Variants in CLSTN2 observed in about 807,000 individuals in gnomAD.
The protein encoded by CLSTN2 is calsyntenin-2.
A neutral mutation model predicts 101.2 loss-of-function variants in CLSTN2; 48 were observed. The ratio of observed to expected loss-of-function variants is 0.47; its 90% confidence interval spans 0.38 to 0.60. The LOEUF (loss-of-function observed/expected upper bound fraction) is 0.60, where lower values mean the gene tolerates loss of function less well. CLSTN2 is among the 20% of genes least tolerant of loss of function. The pLI, the probability that CLSTN2 is intolerant of heterozygous loss-of-function variation, is 0.00. For missense variants in CLSTN2, 1,160 were observed against 1,238.2 expected (o/e 0.94, Z 0.95); for synonymous variants, 481 against 463.6 (o/e 1.04, Z -0.48).
At chr3:140,556,464 T>C (rs760570627) in intron 10 of CLSTN2, 49 bp from the exon 11 acceptor site, 4 of 1,601,324 alleles carry the variant, frequency 2.5e-6, no homozygotes, top group African/African-American at 2.7e-5. Context: ...CATAAAACCA[T>C]GTACATCACT....
At chr3:140,093,913 T>C (rs1296641407) in intron 1 of CLSTN2, among the ~76,000 whole-genome samples, 2 of 152,014 alleles carry the variant, frequency 1.3e-5, no homozygotes, top group Non-Finnish European at 2.9e-5. Context: ...ACAAGTAGAG[T>C]CCAGATATGG....
At chr3:140,370,864 G>T (rs1398805281) in intron 2 of CLSTN2, among the ~76,000 whole-genome samples, 1 of 152,018 alleles carries the variant, frequency 6.6e-6, no homozygotes, top group Non-Finnish European at 1.5e-5. Flanking sequence ...GCACACACAT[G>T]CCCCACCCTA....
intron 8 of CLSTN2, among the ~76,000 whole-genome samples, chr3:140,516,166 T>C (rs181823843): frequency 2.0e-4 from 30 of 152,276 alleles, no homozygotes; most frequent in African/African-American, 7.2e-4. Context: ...CTGCTCTGTT[T>C]GTGACCATTT....
intron 2 of CLSTN2, among the ~76,000 whole-genome samples, chr3:140,324,040 G>C (rs2087309226): frequency 1.3e-5 from 2 of 152,210 alleles, no homozygotes; most frequent in African/African-American, 4.8e-5. Flanking sequence ...GGGGCAGCTA[G>C]ATAAAACCAT....
At chr3:140,485,373 G>A (rs948542569) in intron 8 of CLSTN2, among the ~76,000 whole-genome samples, 2 of 152,328 alleles carry the variant, frequency 1.3e-5, no homozygotes, top group African/African-American at 4.8e-5. Flanking sequence ...CCTACTAGGG[G>A]GTGCCTCCCA....
chr3:140,241,788 G>A (rs903199106), intron 2 of CLSTN2, among the ~76,000 whole-genome samples: 3 of 17,236 alleles, frequency 1.7e-4, no homozygotes, highest in African/African-American at 2.2e-4. Flanking sequence ...GGTCATATGC[G>A]AGATATATAT....
chr3:140,393,460 T>C (rs1432621005), intron 2 of CLSTN2, among the ~76,000 whole-genome samples: 1 of 152,206 alleles, frequency 6.6e-6, no homozygotes, highest in Admixed American at 6.5e-5. Context: ...TTTCTGAAAC[T>C]TAACTTTAAC....
intron 1 of CLSTN2, among the ~76,000 whole-genome samples, chr3:139,961,991 C>A (rs988135569): frequency 2.0e-5 from 3 of 151,930 alleles, no homozygotes; most frequent in Admixed American, 2.0e-4. Flanking sequence ...CTTTTAATGG[C>A]TACATAATAT....
intron 2 of CLSTN2, among the ~76,000 whole-genome samples, chr3:140,379,375 G>A (rs1373827247): frequency 2.0e-5 from 3 of 152,220 alleles, no homozygotes; most frequent in Non-Finnish European, 2.9e-5. Context: ...GGAGGTTGCC[G>A]AGAAGGGAAG....
At chr3:140,073,242 G>A (rs559935165) in intron 1 of CLSTN2, among the ~76,000 whole-genome samples, 7 of 152,262 alleles carry the variant, frequency 4.6e-5, no homozygotes, top group Middle Eastern at 3.4e-3. Context: ...AAATTGTAAA[G>A]GTATAGACGA....
chr3:140,222,548 C>T (rs953699386), intron 2 of CLSTN2, among the ~76,000 whole-genome samples: 3 of 152,088 alleles, frequency 2.0e-5, no homozygotes, highest in African/African-American at 7.2e-5. Flanking sequence ...GATTATTATG[C>T]ATTGCATGCT....
chr3:140,291,436 A>G (rs1251840831), intron 2 of CLSTN2, among the ~76,000 whole-genome samples: 1 of 151,662 alleles, frequency 6.6e-6, no homozygotes, highest in Non-Finnish European at 1.5e-5. Context: ...TCACTCAGCA[A>G]TGCTGACTGC....
chr3:139,985,934 T>C (rs1936014633), intron 1 of CLSTN2, among the ~76,000 whole-genome samples: 1 of 152,232 alleles, frequency 6.6e-6, no homozygotes, highest in Non-Finnish European at 1.5e-5. Flanking sequence ...TTTTGATGAA[T>C]TTAAATTGAA....
intron 2 of CLSTN2, among the ~76,000 whole-genome samples, chr3:140,284,015 G>A (rs756606949): frequency 6.6e-6 from 1 of 152,162 alleles, no homozygotes; most frequent in Non-Finnish European, 1.5e-5. Flanking sequence ...TTGGAAGCTG[G>A]TAAATTTCAC....
At position 140,576,158 on chromosome 3, in the gene CLSTN2, A is replaced by G. The variant is rs1985725698; in HGVS notation, c.*9905A>G. On this transcript the variant is annotated 3_prime_UTR_variant, in exon 17 of 17. Transcript: ENST00000458420. ...CTTAGCTGAGGAGAAGCCTCTGTGA[A>G]TCCACAGATTCCATGCAATATTCAG... The G allele has an allele frequency of 6.6e-6, 1 of 152,210 alleles. No individual in the cohort carries two copies. Among genetic ancestry groups the G allele is most frequent in the African/African-American group, 2.4e-5 (1 of 41,456 alleles). 9.4% of individuals were successfully genotyped at this position (152,210 alleles called of 1,614,324 possible). A position where few individuals can be genotyped will look rare whatever the true frequency, so the allele number is the denominator to read the frequency against.
intron 2 of CLSTN2, among the ~76,000 whole-genome samples, chr3:140,237,549 A>G (rs922668996): frequency 1.3e-5 from 2 of 152,066 alleles, no homozygotes; most frequent in African/African-American, 2.4e-5. Flanking sequence ...ACCTTCCTGA[A>G]CTTCTGACTC....
intron 1 of CLSTN2, among the ~76,000 whole-genome samples, chr3:140,085,167 C>A (rs1560090122): frequency 6.6e-6 from 1 of 152,192 alleles, no homozygotes; most frequent in Non-Finnish European, 1.5e-5. Context: ...CATCCAGGGT[C>A]TCTGTGGACA....
chr3:139,952,403 C>T (rs80254185), intron 1 of CLSTN2, among the ~76,000 whole-genome samples: 4 of 152,018 alleles, frequency 2.6e-5, no homozygotes, highest in African/African-American at 9.7e-5. Context: ...GTCCTCATGC[C>T]CACTCTTCTG....
chr3:140,199,597 T>C (rs1172229943), intron 2 of CLSTN2, among the ~76,000 whole-genome samples: 5 of 152,194 alleles, frequency 3.3e-5, no homozygotes, highest in African/African-American at 1.2e-4. Flanking sequence ...ACCTGGTTAT[T>C]GTCATCAAGG....
Sources: gnomAD v4.1 joint callset for allele counts (sites outside exome capture counted in the v4.1 genomes callset) on GRCh38, gnomAD v4.1.1 for gene constraint, MANE v1.5 for transcripts, NCBI Gene and HGNC (gene_info 2026-07-23, HGNC 2026-07-21) for gene names.